Variants in KANSL1 observed in about 807,000 individuals in gnomAD.
The protein encoded by KANSL1 is MLL1/MLL complex subunit KANSL1.
In KANSL1, 22 loss-of-function variants were observed where a neutral mutation model predicts 103.6. The ratio of observed to expected loss-of-function variants is 0.21; its 90% CI spans 0.15 to 0.30. The LOEUF (loss-of-function observed/expected upper bound fraction) is 0.30, where lower values mean the gene tolerates loss of function less well. Among genes scored for constraint, KANSL1 ranks in the 10% least tolerant of loss-of-function variants. The pLI is 1.00. For synonymous variants in KANSL1, 600 were observed against 527.6 expected, an observed-to-expected ratio of 1.14 and a Z score of -1.88; for missense variants, 1,337 against 1,399.8, an observed-to-expected ratio of 0.96 and a Z score of 0.72.
chr17:46,147,925 G>A (rs1178975033), intron 2 of KANSL1, among the ~76,000 whole-genome samples: 2 of 152,206 alleles, frequency 1.3e-5, no homozygotes, highest in African/African-American at 2.4e-5. Context: ...TTAAAGATGT[G>A]TATTTAGGGT....
intron 2 of KANSL1, among the ~76,000 whole-genome samples, chr17:46,096,311 C>CTTTTTCTTTTTTTTT (rs1555760872): frequency 2.6e-5 from 2 of 76,408 alleles, no homozygotes; most frequent in African/African-American, 1.1e-4. Flanking sequence ...GCTTTTTTTT[C>CTTTTTCTTTTTTTTT]TTTTTTTTTT....
upstream of KANSL1, among the ~76,000 whole-genome samples, chr17:46,198,057 T>C (rs2047671448): frequency 1.3e-5 from 2 of 152,204 alleles, no homozygotes; most frequent in Admixed American, 1.3e-4. Flanking sequence ...GCCCATTTTT[T>C]TGGTTACTTA....
chr17:46,189,469 C>T (rs1003429016), intron 1 of KANSL1, among the ~76,000 whole-genome samples: 1 of 152,072 alleles, frequency 6.6e-6, no homozygotes, highest in East Asian at 1.9e-4. Context: ...TAGCCCCTAC[C>T]CATCTCCCCA....
At chr17:46,072,159 T>G (rs1220376976) in intron 4 of KANSL1, among the ~76,000 whole-genome samples, 3 of 152,088 alleles carry the variant, frequency 2.0e-5, no homozygotes, top group Non-Finnish European at 4.4e-5. Flanking sequence ...ACTAAATAGT[T>G]TTTACGGGGG....
chr17:46,205,552 G>T (rs1456027623), intron 1 of KANSL1, among the ~76,000 whole-genome samples: 1 of 151,854 alleles, frequency 6.6e-6, no homozygotes, highest in Non-Finnish European at 1.5e-5. Context: ...GTGGTGGCAG[G>T]TGCCTGTAAT....
At chr17:46,086,265 G>C (rs973992097) in intron 3 of KANSL1, among the ~76,000 whole-genome samples, 16 of 152,114 alleles carry the variant, frequency 1.1e-4, no homozygotes, top group Non-Finnish European at 2.1e-4. Context: ...AGATTATGAA[G>C]ACATCTCCTA....
rs770726972 is a variant in KANSL1, at chr17:46,074,015, G to A, written c.1534-6348C>T. On this transcript the variant is annotated intron_variant, in intron 4 of 14. Coordinates refer to ENST00000432791, the MANE Select transcript of KANSL1 (RefSeq NM_015443.4). ...TATAGATGTGTGTGTATGCACCTGTGAGCATAGATACATATGTTTCCTTGC... is the reference window on the plus strand; with the variant it reads ...TATAGATGTGTGTGTATGCACCTGTAAGCATAGATACATATGTTTCCTTGC... Among the ~76,000 whole-genome samples the A allele has an allele frequency of 3.3e-5, 5 of 152,214 alleles. No individual in the cohort carries two copies. In the East Asian group the frequency reaches 9.6e-4, roughly 29 times the overall value.
intron 2 of KANSL1, among the ~76,000 whole-genome samples, chr17:46,162,968 C>T (rs1469847166): frequency 1.3e-5 from 2 of 152,132 alleles, no homozygotes; most frequent in Non-Finnish European, 2.9e-5. Context: ...CCACCAATTC[C>T]TTCTTATCCT....
At chr17:46,091,048 T>C (rs926862831) in intron 3 of KANSL1, among the ~76,000 whole-genome samples, 1 of 152,230 alleles carries the variant, frequency 6.6e-6, no homozygotes, top group African/African-American at 2.4e-5. Context: ...GGTCCTTCTG[T>C]TGGCACTGTC....
At chr17:46,104,605 A>G (rs2042452609) in intron 2 of KANSL1, among the ~76,000 whole-genome samples, 1 of 152,210 alleles carries the variant, frequency 6.6e-6, no homozygotes, top group South Asian at 2.1e-4. Flanking sequence ...AAAAAATATA[A>G]ACAATATGAG....
chr17:46,031,718 G>A lies in KANSL1; in HGVS notation c.3091-15C>T, dbSNP rs565665710. On this transcript the variant is annotated splice_polypyrimidine_tract_variant and intron_variant, in intron 14 of 14. Coordinates refer to ENST00000432791, the MANE Select transcript of KANSL1 (RefSeq NM_015443.4). ...GGCTGGACAGACTGTAGGCAGACAA[G>A]TTGCTCTTTGAGGACCCAGTCCCAG... 10 of 1,581,886 alleles carry A rather than the reference G, an allele frequency of 6.3e-6. No homozygotes were observed. The highest frequency in any genetic ancestry group is 1.3e-5 in the African/African-American group (1 of 74,392).
At chr17:46,224,482 G>A (rs550867400), upstream of KANSL1, 1 of 147,992 alleles carries the variant, frequency 6.8e-6, no homozygotes, top group East Asian at 2.3e-4. Context: ...CCTGCGTAGG[G>A]ACAAAAATAA....
chr17:46,190,892 C>A (rs2286573), intron 1 of KANSL1, among the ~76,000 whole-genome samples: 2 of 152,136 alleles, frequency 1.3e-5, no homozygotes, highest in East Asian at 3.9e-4. Flanking sequence ...TTTTACCTTG[C>A]CTTATTTTTA....
chr17:46,062,258 TGATA>T (rs2078202018), intron 6 of KANSL1, among the ~76,000 whole-genome samples: 1 of 151,820 alleles, frequency 6.6e-6, no homozygotes. Context: ...ATTTATTTAC[TGATA>T]GATCTCATTT....
intron 4 of KANSL1, among the ~76,000 whole-genome samples, chr17:46,073,436 A>T (rs1191557739): frequency 1.3e-5 from 2 of 152,200 alleles, no homozygotes; most frequent in African/African-American, 4.8e-5. Flanking sequence ...CTAGTATTTT[A>T]AAAAATATTT....
At chr17:46,215,489 G>A (rs1406662618) in intron 1 of KANSL1, among the ~76,000 whole-genome samples, 1 of 152,208 alleles carries the variant, frequency 6.6e-6, no homozygotes, top group Non-Finnish European at 1.5e-5. Context: ...AGCAGTCAAG[G>A]AGAATGATTA....
Position 46,172,060 on chromosome 17 carries a change from G to C in KANSL1, c.84C>G (p.Thr28=). The C allele has an allele frequency of 6.2e-7, 1 of 1,614,108 alleles. No homozygotes were observed. The highest frequency in any genetic ancestry group is 8.5e-7 in the Non-Finnish European group (1 of 1,180,054). ...TATTTTCGGCACTGCCAGGGGACAAGGTAGAGGATGGGGGAGCCAGTTTGA... is the reference window on the plus strand; with the variant it reads ...TATTTTCGGCACTGCCAGGGGACAACGTAGAGGATGGGGGAGCCAGTTTGA... ...IRFKLAPPSS[T]LSPGSAENNG... The change falls in exon 2 of 15, where the codon ACC becomes ACG. Residue 28 remains threonine (T), a synonymous_variant. Transcript: ENST00000432791.
intron 2 of KANSL1, among the ~76,000 whole-genome samples, chr17:46,111,605 G>C (rs2042809624): frequency 1.3e-5 from 2 of 152,202 alleles, no homozygotes; most frequent in South Asian, 4.1e-4. Flanking sequence ...ATTTGAACTA[G>C]ACTAGACAAA....
At chr17:46,106,500 C>T (rs2042574483) in intron 2 of KANSL1, among the ~76,000 whole-genome samples, 2 of 152,332 alleles carry the variant, frequency 1.3e-5, no homozygotes, top group Non-Finnish European at 2.9e-5. Context: ...TCAAGCAATT[C>T]TCCTGCCTCA....
Sources: allele counts gnomAD v4.1 joint callset (sites outside exome capture counted in the v4.1 genomes callset), GRCh38; gene constraint gnomAD v4.1.1; transcripts MANE v1.5; gene names NCBI Gene and HGNC (gene_info 2026-07-23, HGNC 2026-07-21).